FUT9: variants seen among roughly 807,000 people sequenced by gnomAD.
The protein encoded by FUT9 is 4-galactosyl-N-acetylglucosaminide 3-alpha-L-fucosyltransferase 9.
A neutral mutation model predicts 29.7 loss-of-function variants in FUT9; 15 were observed. That is an observed-to-expected ratio of 0.51 (90% CI 0.34 to 0.78). The LOEUF (loss-of-function observed/expected upper bound fraction) is 0.78, where lower values mean the gene tolerates loss of function less well. Among genes scored for constraint, FUT9 ranks in the 30% least tolerant of loss-of-function variants. FUT9 has a pLI of 0.01. For synonymous variants in FUT9, 169 were observed against 153.7 expected (o/e 1.10, Z -0.74); for missense variants, 319 against 425.4 (o/e 0.75, Z 2.20).
intron 1 of FUT9, among the ~76,000 whole-genome samples, chr6:96,024,260 C>T (rs1770124251): frequency 6.6e-6 from 1 of 151,762 alleles, no homozygotes; most frequent in South Asian, 2.1e-4. Context: ...TGGATAGGTG[C>T]ATATGTCATT....
chr6:96,167,210 G>A (rs2127981940), intron 2 of FUT9, among the ~76,000 whole-genome samples: 1 of 152,280 alleles, frequency 6.6e-6, no homozygotes, highest in South Asian at 2.1e-4. Flanking sequence ...TATTGGATGT[G>A]ATCCTTAATC....
chr6:96,190,968 A>G (rs1417992419), intron 2 of FUT9, among the ~76,000 whole-genome samples: 1 of 152,024 alleles, frequency 6.6e-6, no homozygotes. Context: ...GTTCCTTTGA[A>G]GGGGGAGAGG....
At chr6:96,165,208 G>C (rs1184701099) in intron 2 of FUT9, among the ~76,000 whole-genome samples, 3 of 152,006 alleles carry the variant, frequency 2.0e-5, no homozygotes, top group Non-Finnish European at 4.4e-5. Context: ...GAGGCCAGCG[G>C]ATCACCTGAG....
chr6:96,087,260 G>C (rs569093875), intron 1 of FUT9, among the ~76,000 whole-genome samples: 9 of 151,694 alleles, frequency 5.9e-5, no homozygotes, highest in Admixed American at 4.6e-4. Flanking sequence ...TTTCAGATTT[G>C]TGGTGTATAT....
chr6:96,124,153 CTTT>C (rs35122970), intron 2 of FUT9, among the ~76,000 whole-genome samples: 8 of 125,020 alleles, frequency 6.4e-5, no homozygotes, highest in Admixed American at 8.4e-5. Context: ...TTTCTTTTTT[CTTT>C]TTTTTTTTTT....
chr6:96,095,773 C>T (rs1771485110), intron 1 of FUT9, among the ~76,000 whole-genome samples: 1 of 152,066 alleles, frequency 6.6e-6, no homozygotes, highest in Admixed American at 6.6e-5. Context: ...GACCTTTGCA[C>T]CAGGCTGTCT....
chr6:96,134,120 T>A (rs912021767), intron 2 of FUT9, among the ~76,000 whole-genome samples: 17 of 151,728 alleles, frequency 1.1e-4, no homozygotes, highest in African/African-American at 3.1e-4. Context: ...TAGAAAAAAA[T>A]TAATAAAATA....
At chr6:96,165,719 C>G (rs12206386) in intron 2 of FUT9, among the ~76,000 whole-genome samples, 24,303 of 151,866 alleles carry the variant, frequency 0.16, 2,157 homozygotes, top group African/African-American at 0.19. Flanking sequence ...AGGCTCAAGC[C>G]ATTCTTGTGC....
At chr6:96,166,817 C>T (rs1042939867) in intron 2 of FUT9, among the ~76,000 whole-genome samples, 10 of 151,966 alleles carry the variant, frequency 6.6e-5, no homozygotes, top group African/African-American at 2.4e-4. Flanking sequence ...TGTATATAAC[C>T]CCTGCACATC....
intron 1 of FUT9, among the ~76,000 whole-genome samples, chr6:96,073,877 C>A (rs1771103274): frequency 6.6e-6 from 1 of 152,176 alleles, no homozygotes; most frequent in South Asian, 2.1e-4. Context: ...AAGACTCATT[C>A]ATTCATTCCC....
At chr6:96,135,568 TA>T (rs1772331724) in intron 2 of FUT9, among the ~76,000 whole-genome samples, 1 of 151,828 alleles carries the variant, frequency 6.6e-6, no homozygotes, top group Admixed American at 6.6e-5. Context: ...ATAATAATAT[TA>T]TGGATGCTAA....
At chr6:96,163,766 C>G (rs1772958008) in intron 2 of FUT9, among the ~76,000 whole-genome samples, 1 of 152,124 alleles carries the variant, frequency 6.6e-6, no homozygotes, top group South Asian at 2.1e-4. Context: ...TCAAGTATTC[C>G]TCCCTTTTCA....
At chr6:96,127,691 T>C (rs1772158872) in intron 2 of FUT9, among the ~76,000 whole-genome samples, 1 of 152,158 alleles carries the variant, frequency 6.6e-6, no homozygotes, top group Non-Finnish European at 1.5e-5. Context: ...CTTGCCAGCA[T>C]CTGTTATTTT....
In FUT9 at chr6:96,203,592, G is replaced by C. The variant is rs771647857; in HGVS notation, c.437G>C (p.Ser146Thr). The change falls in exon 3 of 3, where the codon AGT (serine) becomes ACT (threonine). Residue 146 changes from serine to threonine, a missense_variant. By Grantham distance (58) the Ser-to-Thr change is moderately conservative. Transcript: ENST00000302103. Reference sequence around the variant, plus strand: ...TCACCAACTCACACTCCCCAAAAGAGTGGCATTGAGCACTTGTTTAACCTG... The same window carrying C: ...TCACCAACTCACACTCCCCAAAAGACTGGCATTGAGCACTTGTTTAACCTG... ...LESPTHTPQKSGIEHLFNLTL... is the reference protein window; with the variant it reads ...LESPTHTPQKTGIEHLFNLTL... The C allele has an allele frequency of 1.2e-5, 19 of 1,613,730 alleles. No individual in the cohort carries two copies. The highest frequency in any genetic ancestry group is 1.6e-5 in the Non-Finnish European group (19 of 1,179,984).
intron 1 of FUT9, among the ~76,000 whole-genome samples, chr6:96,069,619 ATT>A (rs746359558): frequency 2.9e-4 from 30 of 103,694 alleles, no homozygotes; most frequent in South Asian, 2.5e-3. Context: ...TTATTTTTTT[ATT>A]TTTTTATTTT....
rs893337411 is a variant in FUT9, at chr6:96,099,905, A to G, written c.-97-14134A>G. On this transcript the variant is annotated intron_variant, in intron 1 of 2. Coordinates refer to ENST00000302103, the MANE Select transcript of FUT9 (RefSeq NM_006581.4). ...TGCAATCTTTATTAATTGAACTTTA[A>G]GCTAGCTCTTGAGATTTTTATGCAG... Among the ~76,000 whole-genome samples the G allele has an allele frequency of 2.0e-5, 3 of 152,142 alleles. No homozygotes were observed. In the South Asian group the frequency reaches 6.2e-4, roughly 31 times the overall value.
At chr6:96,178,244 A>T (rs1249750321) in intron 2 of FUT9, among the ~76,000 whole-genome samples, 1 of 152,170 alleles carries the variant, frequency 6.6e-6, no homozygotes, top group African/African-American at 2.4e-5. Flanking sequence ...CATTTGTTTA[A>T]GTTTTAATCC....
rs540835719 is a variant in FUT9 at position 96,137,902 on chromosome 6, T to A, written c.-9+23775T>A. On this transcript the variant is annotated intron_variant, in intron 2 of 2. Coordinates refer to ENST00000302103, the MANE Select transcript of FUT9 (RefSeq NM_006581.4). ...TGTACATCTAAAACTATTCTGAAAT[T>A]AAGAGTTTATTTAAAAGTTACATAT... Among the ~76,000 whole-genome samples the A allele has an allele frequency of 1.5e-3, 226 of 152,198 alleles. No homozygotes were observed. In the Middle Eastern group the frequency reaches 0.017, roughly 11 times the overall value.
At chr6:96,044,814 G>C (rs933078777) in intron 1 of FUT9, among the ~76,000 whole-genome samples, 9 of 152,142 alleles carry the variant, frequency 5.9e-5, no homozygotes, top group Non-Finnish European at 1.0e-4. Flanking sequence ...CTAGGTATGA[G>C]AGTACTGTAT....
Sources: gnomAD v4.1 joint callset for allele counts (sites outside exome capture counted in the v4.1 genomes callset) on GRCh38, gnomAD v4.1.1 for gene constraint, MANE v1.5 for transcripts, NCBI Gene and HGNC (gene_info 2026-07-23, HGNC 2026-07-21) for gene names.